Variants in CDH18 observed in about 807,000 individuals in gnomAD.
The protein encoded by CDH18 is cadherin 18.
CDH18 carries 31 observed loss-of-function variants against 67.9 expected under a neutral mutation model. That is an observed-to-expected ratio of 0.46 (90% confidence interval 0.34 to 0.62). The LOEUF is 0.62. Among genes scored for constraint, CDH18 ranks in the 20% least tolerant of loss-of-function variants. The pLI is 0.01. For synonymous variants in CDH18, 362 were observed against 347.2 expected, an observed-to-expected ratio of 1.04 and a Z score of -0.48; for missense variants, 890 against 975.5, an observed-to-expected ratio of 0.91 and a Z score of 1.17.
At chr5:20,439,156 T>G (rs1053739671) in intron 1 of CDH18, among the ~76,000 whole-genome samples, 7 of 97,660 alleles carry the variant, frequency 7.2e-5, no homozygotes, top group Non-Finnish European at 1.4e-4. Flanking sequence ...GAGATGATAT[T>G]TTTGGATCAA....
chr5:20,102,923 A>T (rs952802805), intron 2 of CDH18, among the ~76,000 whole-genome samples: 1 of 152,226 alleles, frequency 6.6e-6, no homozygotes, highest in African/African-American at 2.4e-5. Context: ...CTCAAACCTA[A>T]TAAGTTTTTT....
chr5:20,391,797 A>G (rs914187591), intron 1 of CDH18, among the ~76,000 whole-genome samples: 2 of 152,066 alleles, frequency 1.3e-5, no homozygotes, highest in Admixed American at 1.3e-4. Context: ...TTGAATTTAT[A>G]AATTTTCCAT....
chr5:19,776,940 A>G (rs999239732), intron 3 of CDH18, among the ~76,000 whole-genome samples: 4 of 152,242 alleles, frequency 2.6e-5, no homozygotes, highest in African/African-American at 4.8e-5. Flanking sequence ...TTACAATGAA[A>G]TATTACACAA....
intron 2 of CDH18, among the ~76,000 whole-genome samples, chr5:20,193,234 T>G (rs566792950): frequency 1.3e-5 from 2 of 152,048 alleles, no homozygotes; most frequent in Admixed American, 6.6e-5. Context: ...ATAAACACAT[T>G]AAAAAATGAT....
intron 2 of CDH18, among the ~76,000 whole-genome samples, chr5:19,956,898 G>T (rs905670128): frequency 6.6e-6 from 1 of 151,852 alleles, no homozygotes; most frequent in Admixed American, 6.6e-5. Context: ...TGAACTAAGA[G>T]TACCTTAGTA....
intron 6 of CDH18, among the ~76,000 whole-genome samples, chr5:19,603,588 A>G (rs919592812): frequency 1.7e-4 from 26 of 151,966 alleles, no homozygotes; most frequent in African/African-American, 5.5e-4. Context: ...TGTTTTTCAG[A>G]ATAGAAAAAT....
chr5:20,422,884 G>A (rs1747973893), intron 1 of CDH18, among the ~76,000 whole-genome samples: 1 of 151,128 alleles, frequency 6.6e-6, no homozygotes, highest in South Asian at 2.1e-4. Context: ...TCAGAAGGTT[G>A]GTTGGGAAGG....
At chr5:19,764,123 C>A (rs542370256) in intron 3 of CDH18, among the ~76,000 whole-genome samples, 1 of 147,648 alleles carries the variant, frequency 6.8e-6, no homozygotes, top group Non-Finnish European at 1.5e-5. Flanking sequence ...TAGCCAAGAT[C>A]GTGCCACTGT....
chr5:19,498,212 C>T (rs1281314936), intron 11 of CDH18, among the ~76,000 whole-genome samples: 5 of 152,074 alleles, frequency 3.3e-5, no homozygotes, highest in South Asian at 2.1e-4. Flanking sequence ...CAAATAAATA[C>T]GTCTTTTCAA....
intron 1 of CDH18, among the ~76,000 whole-genome samples, chr5:20,285,180 C>T (rs78919161): frequency 0.011 from 1,694 of 151,284 alleles, 34 homozygotes; most frequent in African/African-American, 0.039. Context: ...GTGAAGTAAT[C>T]AATGATAACT....
At chr5:19,965,815 A>T (rs1797375044) in intron 2 of CDH18, among the ~76,000 whole-genome samples, 7 of 152,142 alleles carry the variant, frequency 4.6e-5, no homozygotes, top group Admixed American at 4.6e-4. Flanking sequence ...TTGTGGGAAC[A>T]AAAGTGCAAC....
chr5:19,997,815 G>A (rs1736131250), intron 2 of CDH18, among the ~76,000 whole-genome samples: 1 of 151,998 alleles, frequency 6.6e-6, no homozygotes, highest in Non-Finnish European at 1.5e-5. Flanking sequence ...TATCATAAAG[G>A]CACGCATAGG....
chr5:20,346,654 A>G (rs1338686066), intron 1 of CDH18, among the ~76,000 whole-genome samples: 1 of 152,194 alleles, frequency 6.6e-6, no homozygotes, highest in Non-Finnish European at 1.5e-5. Context: ...TGTTACCTCT[A>G]GATGGCTCTT....
intron 3 of CDH18, among the ~76,000 whole-genome samples, chr5:19,801,407 T>C (rs1182714108): frequency 5.9e-5 from 9 of 152,194 alleles, no homozygotes; most frequent in Admixed American, 5.9e-4. Flanking sequence ...TATCATACTG[T>C]TTAATAAAAT....
intron 7 of CDH18, among the ~76,000 whole-genome samples, chr5:19,585,666 G>C (rs189361500): frequency 1.1e-4 from 16 of 152,270 alleles, no homozygotes; most frequent in African/African-American, 3.9e-4. Flanking sequence ...CCTGTGCATA[G>C]AAACACTCTT....
chr5:20,464,815 C>CTTGT (rs1751527165), intron 1 of CDH18, among the ~76,000 whole-genome samples: 4 of 151,978 alleles, frequency 2.6e-5, no homozygotes, highest in African/African-American at 9.6e-5. Flanking sequence ...TAAATAAAAC[C>CTTGT]CTGGGAAATA....
chr5:20,351,284 G>A (rs1416558837), intron 1 of CDH18, among the ~76,000 whole-genome samples: 1 of 150,298 alleles, frequency 6.7e-6, no homozygotes, highest in Non-Finnish European at 1.5e-5. Flanking sequence ...ACATCAAATG[G>A]TTAGAACAGT....
At position 20,227,129 on chromosome 5, in the gene CDH18, A is replaced by T. The variant is rs570367425; in HGVS notation, c.-518+28315T>A. ...CATTGCCAGTAACATCAACATACTC[A>T]TGTTATTTTTCCCTTTCCTTTCTTG... is the stretch of plus-strand genomic sequence containing the variant. On this transcript the variant is annotated intron_variant, in intron 2 of 14. Coordinates refer to the CDH18 transcript ENST00000507958. 3.4e-4 allele frequency among the ~76,000 whole-genome samples: 51 copies of T among 152,094 alleles called. No individual in the cohort carries two copies. In the South Asian group the frequency reaches 0.01, roughly 31 times the overall value.
chr5:19,625,322 G>GTT, intron 5 of CDH18, among the ~76,000 whole-genome samples: 1 of 147,444 alleles, frequency 6.8e-6, no homozygotes. Flanking sequence ...CAAATTATTT[G>GTT]TTTTTTTTTT....
Sources: allele counts gnomAD v4.1 joint callset (sites outside exome capture counted in the v4.1 genomes callset), GRCh38; gene constraint gnomAD v4.1.1; transcripts MANE v1.5; gene names NCBI Gene and HGNC (gene_info 2026-07-23, HGNC 2026-07-21).